Variants in LARP4 observed in about 807,000 individuals in gnomAD.
LARP4 encodes La ribonucleoprotein 4.
A neutral mutation model predicts 92.9 loss-of-function variants in LARP4; 29 were observed. The ratio of observed to expected loss-of-function variants is 0.31; its 90% confidence interval spans 0.23 to 0.43. LARP4 has a LOEUF of 0.43. Among genes scored for constraint, LARP4 ranks in the 20% least tolerant of loss-of-function variants. LARP4 has a pLI of 1.00. For synonymous variants in LARP4, 279 were observed against 284.1 expected (o/e 0.98, Z 0.18); for missense variants, 732 against 860.0 (o/e 0.85, Z 1.86).
chr12:50,402,596 A>C, intron 1 of LARP4: 1 of 265,350 alleles, frequency 3.8e-6, no homozygotes, highest in South Asian at 3.4e-5. Flanking sequence ...ATTAAAATGT[A>C]AGTTTTAATA....
chr12:50,415,806 A>AAG (rs1946677202), intron 1 of LARP4: 1 of 149,492 alleles, frequency 6.7e-6, no homozygotes, highest in South Asian at 2.1e-4. Context: ...CTCCTGTCTC[A>AAG]GCTCTCCAAG....
intron 1 of LARP4, among the ~76,000 whole-genome samples, chr12:50,418,026 A>G (rs1947137453): frequency 6.6e-6 from 1 of 152,048 alleles, no homozygotes; most frequent in Non-Finnish European, 1.5e-5. Context: ...ACGCCCGGCT[A>G]ATTTTTGTAT....
chr12:50,441,342 T>G, intron 7 of LARP4: 1 of 314,788 alleles, frequency 3.2e-6, no homozygotes, highest in Non-Finnish European at 5.9e-6. Context: ...TCTAGGGATA[T>G]TTTGGGTCTG....
At chr12:50,425,950 T>C (rs1948639546) in intron 1 of LARP4, among the ~76,000 whole-genome samples, 1 of 152,130 alleles carries the variant, frequency 6.6e-6, no homozygotes, top group Non-Finnish European at 1.5e-5. Flanking sequence ...AATAGAGGCT[T>C]CTTTCTTCCG....
intron 8 of LARP4, among the ~76,000 whole-genome samples, chr12:50,449,046 C>T (rs935212583): frequency 2.6e-5 from 4 of 151,858 alleles, no homozygotes; most frequent in African/African-American, 9.7e-5. Flanking sequence ...TCCAGACCAG[C>T]ATGGCCAACA....
At chr12:50,453,245 G>A (rs1418614171) in intron 8 of LARP4, among the ~76,000 whole-genome samples, 1 of 151,250 alleles carries the variant, frequency 6.6e-6, no homozygotes, top group African/African-American at 2.4e-5. Context: ...GTGGCGGGGG[G>A]GGTTTTACCT....
rs139243603 is a variant in LARP4, at chr12:50,433,742, C to T, written c.399-1746C>T. Reference sequence around the variant, plus strand: ...GCAACCTCTACCTCCCGGGTTCAAGCGATTCTTCTGATTCAGCCTCCCAAG... The same window carrying T: ...GCAACCTCTACCTCCCGGGTTCAAGTGATTCTTCTGATTCAGCCTCCCAAG... On this transcript the variant is annotated intron_variant, in intron 4 of 15. Transcript: ENST00000398473. Among the ~76,000 whole-genome samples, 9 of 151,464 alleles carry T rather than the reference C, an allele frequency of 5.9e-5. No individual in the cohort carries two copies. The East Asian group carries it at 1.2e-3, about 20-fold the overall frequency.
intron 8 of LARP4, among the ~76,000 whole-genome samples, chr12:50,449,223 G>A (rs144304771): frequency 5.1e-4 from 77 of 152,230 alleles, no homozygotes; most frequent in African/African-American, 1.7e-3. Flanking sequence ...CAACATTGGC[G>A]GCAGAGCAAG....
intron 8 of LARP4, among the ~76,000 whole-genome samples, chr12:50,446,707 G>T (rs939243654): frequency 6.6e-6 from 1 of 151,728 alleles, no homozygotes; most frequent in Non-Finnish European, 1.5e-5. Flanking sequence ...GATTGGAGGC[G>T]TGAGCCACCA....
intron 1 of LARP4, among the ~76,000 whole-genome samples, chr12:50,424,684 TAAAAA>T (rs908696905): frequency 6.6e-6 from 1 of 151,890 alleles, no homozygotes; most frequent in African/African-American, 2.4e-5. Flanking sequence ...ATAATAAAAA[TAAAAA>T]TAAGAATGTT....
At position 50,474,815 on chromosome 12, in the gene LARP4, A is replaced by T. The variant is rs181942756; in HGVS notation, c.1836+648A>T. Among the ~76,000 whole-genome samples, 587 of 152,334 alleles carry T rather than the reference A, an allele frequency of 3.9e-3. 1 individual carries two copies. Among genetic ancestry groups the T allele is most frequent in the Middle Eastern group, 0.031 (9 of 294 alleles). On this transcript the variant is annotated intron_variant, in intron 15 of 15. Coordinates refer to ENST00000398473, the MANE Select transcript of LARP4 (RefSeq NM_052879.5). ...ATACTTAACAAGTCTATAAGTGGCC[A>T]TTGAGAGGCCACTCCCATTTATCAA...
intron 10 of LARP4, among the ~76,000 whole-genome samples, chr12:50,458,483 AC>A (rs1954750869): frequency 6.6e-6 from 1 of 152,154 alleles, no homozygotes. Flanking sequence ...ATAAAACAGG[AC>A]AACTAGAGAT....
intron 13 of LARP4, among the ~76,000 whole-genome samples, chr12:50,471,210 A>C (rs1202639825): frequency 6.6e-6 from 1 of 152,164 alleles, no homozygotes; most frequent in Non-Finnish European, 1.5e-5. Flanking sequence ...TGAAGGCTGG[A>C]TTTGGCCTTG....
intron 1 of LARP4, among the ~76,000 whole-genome samples, chr12:50,424,413 C>T (rs1565979707): frequency 6.6e-6 from 1 of 150,902 alleles, no homozygotes; most frequent in Non-Finnish European, 1.5e-5. Context: ...GGCTGGAGTA[C>T]AGTGGCCCGA....
chr12:50,404,739 G>C (rs1007375455), intron 1 of LARP4, among the ~76,000 whole-genome samples: 2 of 144,236 alleles, frequency 1.4e-5, no homozygotes, highest in Non-Finnish European at 3.0e-5. Flanking sequence ...GCCCAGGCTG[G>C]AGTGCAGTGG....
At chr12:50,453,173 TG>T (rs1237050640) in intron 8 of LARP4, among the ~76,000 whole-genome samples, 2 of 151,552 alleles carry the variant, frequency 1.3e-5, no homozygotes, top group Non-Finnish European at 2.9e-5. Flanking sequence ...CCTTGACCTC[TG>T]AAAGTGCTCA....
intron 1 of LARP4, chr12:50,412,455 T>C: frequency 3.1e-6 from 3 of 966,278 alleles, no homozygotes; most frequent in Non-Finnish European, 3.7e-6. Flanking sequence ...AGTAAATAGG[T>C]AAGTAAAACA....
intron 8 of LARP4, among the ~76,000 whole-genome samples, chr12:50,448,157 G>T (rs1952535528): frequency 2.6e-5 from 4 of 152,132 alleles, no homozygotes; most frequent in Admixed American, 2.0e-4. Flanking sequence ...GAGCCACCAG[G>T]TCTGGCCCCA....
rs1387753760 is a variant in LARP4, at chr12:50,429,102, G to A, written c.322+12G>A. 2 of 1,605,688 alleles carry A rather than the reference G, an allele frequency of 1.2e-6. No homozygotes were observed. Among genetic ancestry groups the A allele is most frequent in the South Asian group, 1.1e-5 (1 of 89,786 alleles). On this transcript the variant is annotated intron_variant, in intron 3 of 15. Coordinates refer to ENST00000398473, the MANE Select transcript of LARP4 (RefSeq NM_052879.5). ...ATATGATGTTTCCGGTAAACTTTAT[G>A]GTTTTATTGTTAAAATGAGAATTCA...
Sources: allele counts gnomAD v4.1 joint callset (sites outside exome capture counted in the v4.1 genomes callset), GRCh38; gene constraint gnomAD v4.1.1; transcripts MANE v1.5; gene names NCBI Gene and HGNC (gene_info 2026-07-23, HGNC 2026-07-21).